Variants in IL1RAPL1 observed in about 807,000 individuals in gnomAD.
IL1RAPL1 encodes interleukin-1 receptor accessory protein-like 1.
Under a neutral mutation model 48.4 loss-of-function variants are expected in IL1RAPL1, and 3 were observed. That is an observed-to-expected ratio of 0.06 (90% CI 0.03 to 0.16). The LOEUF (loss-of-function observed/expected upper bound fraction) is 0.16, where lower values mean the gene tolerates loss of function less well. Among genes scored for constraint, IL1RAPL1 ranks in the 10% least tolerant of loss-of-function variants. The probability of loss-of-function intolerance (pLI) is 1.00; values close to 1 mark genes in which losing one functional copy is unlikely to be tolerated. For synonymous variants in IL1RAPL1, 185 were observed against 187.7 expected (o/e 0.99, Z 0.12); for missense variants, 349 against 530.6 (o/e 0.66, Z 3.36).
At chrX:29,712,892 T>A (rs963620445) in intron 6 of IL1RAPL1, among the ~76,000 whole-genome samples, 1 of 112,125 alleles carries the variant, frequency 8.9e-6, no homozygotes, top group Admixed American at 9.5e-5. Context: ...ACAAATCAGT[T>A]TGAATACTTG....
At chrX:29,538,591 G>A (rs992148100) in intron 5 of IL1RAPL1, among the ~76,000 whole-genome samples, 1 of 108,167 alleles carries the variant, frequency 9.2e-6, no homozygotes, top group African/African-American at 3.4e-5. Flanking sequence ...ACCCACCTCG[G>A]CCTCCCAAAG....
intron 1 of IL1RAPL1, among the ~76,000 whole-genome samples, chrX:28,732,111 G>A (rs1204847648): frequency 3.6e-5 from 4 of 111,518 alleles, no homozygotes; most frequent in Admixed American, 1.9e-4. Flanking sequence ...GCCAGACTTC[G>A]GACTAGAGGG....
intron 5 of IL1RAPL1, among the ~76,000 whole-genome samples, chrX:29,545,479 A>G (rs771472974): frequency 1.8e-5 from 2 of 111,580 alleles, no homozygotes; most frequent in Non-Finnish European, 3.8e-5. Context: ...GTTCCCTAGC[A>G]GCCTCTCTCA....
Position 29,027,924 on chromosome X carries a change from G to T in IL1RAPL1, c.82+238499G>T, listed in dbSNP as rs766364687. Among the ~76,000 whole-genome samples, 925 of 100,694 alleles carry T rather than the reference G, an allele frequency of 9.2e-3. 5 individuals are homozygous for T. Among genetic ancestry groups the T allele is most frequent in the Middle Eastern group, 0.01 (2 of 194 alleles). 87.4% of individuals were successfully genotyped at this position (100,694 alleles called of 115,157 possible). A position where few individuals can be genotyped will look rare whatever the true frequency, so the allele number is the denominator to read the frequency against. ...TTGTTGAGTTTTAAGATTTCTTTTT[G>T]TGTGTGTGTGTGTGTGTGTGTGTGT... On this transcript the variant is annotated intron_variant, in intron 2 of 10. Coordinates refer to ENST00000378993, the MANE Select transcript of IL1RAPL1 (RefSeq NM_014271.4).
At chrX:29,237,590 T>C (rs1931334302) in intron 2 of IL1RAPL1, among the ~76,000 whole-genome samples, 1 of 112,771 alleles carries the variant, frequency 8.9e-6, no homozygotes, top group Non-Finnish European at 1.9e-5. Flanking sequence ...GGTTCTTATT[T>C]GATGCCCGTA....
chrX:29,918,505 CAAAAAAA>C (rs1186602092), intron 7 of IL1RAPL1, among the ~76,000 whole-genome samples: 1 of 38,114 alleles, frequency 2.6e-5, no homozygotes, highest in African/African-American at 9.1e-5. Flanking sequence ...AACTCTGTCT[CAAAAAAA>C]AAAAAAAAAA....
intron 5 of IL1RAPL1, among the ~76,000 whole-genome samples, chrX:29,479,840 A>G (rs745344751): frequency 9.0e-6 from 1 of 111,293 alleles, no homozygotes; most frequent in East Asian, 2.8e-4. Flanking sequence ...GCTGCAAAAG[A>G]CACTATTTCA....
chrX:29,054,844 G>T (rs968051873), intron 2 of IL1RAPL1, among the ~76,000 whole-genome samples: 4 of 111,843 alleles, frequency 3.6e-5, no homozygotes, highest in African/African-American at 1.3e-4. Flanking sequence ...GAGCAGGAAT[G>T]TATCTGTTCC....
chrX:29,819,727 C>T (rs191947615), intron 6 of IL1RAPL1, among the ~76,000 whole-genome samples: 60 of 108,821 alleles, frequency 5.5e-4, no homozygotes, highest in African/African-American at 1.9e-3. Flanking sequence ...GAAAACTTTT[C>T]CAGTATAAAT....
At chrX:29,944,334 G>T (rs986281640) in intron 9 of IL1RAPL1, among the ~76,000 whole-genome samples, 1 of 111,382 alleles carries the variant, frequency 9.0e-6, no homozygotes, top group Non-Finnish European at 1.9e-5. Flanking sequence ...TGAAATGGTG[G>T]TCAGGGCCCC....
intron 6 of IL1RAPL1, among the ~76,000 whole-genome samples, chrX:29,883,732 A>C (rs939123876): frequency 3.6e-5 from 4 of 112,001 alleles, no homozygotes; most frequent in Non-Finnish European, 7.5e-5. Context: ...AATTAATTAG[A>C]ATAAATTTTC....
chrX:29,081,588 T>A (rs1009589205), intron 2 of IL1RAPL1, among the ~76,000 whole-genome samples: 2 of 111,907 alleles, frequency 1.8e-5, no homozygotes, highest in African/African-American at 6.5e-5. Context: ...GTTTTTCTTC[T>A]TAGGCAAGGA....
At chrX:29,707,397 A>C in intron 6 of IL1RAPL1, among the ~76,000 whole-genome samples, 1 of 112,417 alleles carries the variant, frequency 8.9e-6, no homozygotes, top group Admixed American at 9.4e-5. Flanking sequence ...TAAAGAACCA[A>C]AAGTAGATCT....
chrX:29,461,307 T>C (rs750592898), intron 5 of IL1RAPL1, among the ~76,000 whole-genome samples: 2 of 111,832 alleles, frequency 1.8e-5, no homozygotes, highest in Non-Finnish European at 3.8e-5. Context: ...GTAGAGAAAC[T>C]AAAGTTGTCA....
At chrX:28,842,350 T>C (rs1410753899) in intron 2 of IL1RAPL1, among the ~76,000 whole-genome samples, 1 of 111,369 alleles carries the variant, frequency 9.0e-6, no homozygotes, top group Non-Finnish European at 1.9e-5. Context: ...TTATGAACGA[T>C]TCAACCTGTA....
At chrX:29,314,516 G>A in intron 3 of IL1RAPL1, among the ~76,000 whole-genome samples, 1 of 112,548 alleles carries the variant, frequency 8.9e-6, no homozygotes, top group Non-Finnish European at 1.9e-5. Flanking sequence ...TGCAGTTTCA[G>A]GAATTTCCTG....
At chrX:29,080,908 A>AT (rs1008129043) in intron 2 of IL1RAPL1, among the ~76,000 whole-genome samples, 2 of 97,052 alleles carry the variant, frequency 2.1e-5, no homozygotes, top group South Asian at 5.0e-4. Context: ...ACATCCAGCT[A>AT]TTTTTTTTAA....
At chrX:29,925,622 C>T (rs1244877213) in intron 8 of IL1RAPL1, among the ~76,000 whole-genome samples, 3 of 107,287 alleles carry the variant, frequency 2.8e-5, no homozygotes, top group Non-Finnish European at 5.8e-5. Flanking sequence ...ACCGCAACCT[C>T]GAATTCCTGG....
rs779441543 is a variant in IL1RAPL1 at position 29,501,454 on chromosome X, A to C, written c.703+102146A>C. Among the ~76,000 whole-genome samples the C allele has an allele frequency of 7.2e-5, 8 of 111,191 alleles. No homozygotes were observed. In the South Asian group the frequency reaches 3.0e-3, roughly 42 times the overall value. On this transcript the variant is annotated intron_variant, in intron 5 of 10. Transcript: ENST00000378993. The stretch of plus-strand genomic sequence containing the variant: ...TTTTATAGCTTTAGGTCTTAGATTT[A>C]AGTTTTTAATCCATTTTGATTTGAT...
Sources: gnomAD v4.1 joint callset for allele counts (sites outside exome capture counted in the v4.1 genomes callset) on GRCh38, gnomAD v4.1.1 for gene constraint, MANE v1.5 for transcripts, NCBI Gene and HGNC (gene_info 2026-07-23, HGNC 2026-07-21) for gene names.